The following AGBL4 variants were observed in gnomAD, a reference collection of about 807,000 sequenced individuals.
AGBL4 encodes cytosolic carboxypeptidase 6.
AGBL4 carries 58 observed loss-of-function variants against 66.4 expected under a neutral mutation model. That is an observed-to-expected ratio of 0.87 (90% CI 0.71 to 1.09). The LOEUF (loss-of-function observed/expected upper bound fraction) is 1.09, where lower values mean the gene tolerates loss of function less well. Among genes scored for constraint, AGBL4 ranks in the 50% least tolerant of loss-of-function variants. AGBL4 has a pLI of 0.00. For missense variants in AGBL4, 579 were observed against 631.0 expected (o/e 0.92, Z 0.88); for synonymous variants, 234 against 222.9 (o/e 1.05, Z -0.44).
chr1:49,419,113 T>C (rs1257669845), intron 3 of AGBL4, among the ~76,000 whole-genome samples: 5 of 152,280 alleles, frequency 3.3e-5, no homozygotes, highest in African/African-American at 1.2e-4. Flanking sequence ...AAGTAAATAT[T>C]CTTCTTTACA....
At chr1:48,812,197 C>T (rs1349252374) in intron 6 of AGBL4, among the ~76,000 whole-genome samples, 1 of 152,154 alleles carries the variant, frequency 6.6e-6, no homozygotes, top group East Asian at 1.9e-4. Flanking sequence ...AGGCATATTT[C>T]TCAAGGCTGA....
At chr1:48,653,551 T>G in intron 7 of AGBL4, 100 bp from the exon 8 acceptor site, 3 of 888,950 alleles carry the variant, frequency 3.4e-6, no homozygotes, top group Non-Finnish European at 5.3e-6. Flanking sequence ...AATAGGTGAT[T>G]TTGGCCTGTG....
intron 3 of AGBL4, among the ~76,000 whole-genome samples, chr1:49,573,777 C>A (rs1285640717): frequency 1.3e-5 from 2 of 152,092 alleles, no homozygotes; most frequent in Admixed American, 1.3e-4. Context: ...AAAGTGAGGG[C>A]ATTGATTGGA....
chr1:49,068,426 G>A (rs1048001540), intron 4 of AGBL4, among the ~76,000 whole-genome samples: 16 of 95,306 alleles, frequency 1.7e-4, no homozygotes, highest in South Asian at 3.9e-4. Flanking sequence ...TTCCCCTCCC[G>A]GTGTCCATGT....
chr1:49,909,171 G>C (rs12023972), intron 1 of AGBL4, among the ~76,000 whole-genome samples: 92,304 of 151,932 alleles, frequency 0.61, 28,712 homozygotes, highest in Non-Finnish European at 0.67. Context: ...TATGCCTTAT[G>C]GGTGTTATAA....
chr1:49,158,127 T>G (rs1404381088), intron 4 of AGBL4, among the ~76,000 whole-genome samples: 2 of 152,140 alleles, frequency 1.3e-5, no homozygotes, highest in African/African-American at 2.4e-5. Flanking sequence ...GCTAGCCATA[T>G]GCAGAAAGCT....
intron 3 of AGBL4, among the ~76,000 whole-genome samples, chr1:49,549,422 G>A (rs1407935240): frequency 6.6e-6 from 1 of 151,982 alleles, no homozygotes; most frequent in Admixed American, 6.6e-5. Context: ...GTTGAGGGCT[G>A]TGGACTTTTC....
intron 9 of AGBL4, among the ~76,000 whole-genome samples, chr1:48,622,082 G>A (rs1645423147): frequency 6.7e-6 from 1 of 148,580 alleles, no homozygotes; most frequent in Non-Finnish European, 1.5e-5. Context: ...ATCTCTGCCT[G>A]CCACCCAGCC....
At chr1:49,695,664 G>A (rs988621715) in intron 3 of AGBL4, among the ~76,000 whole-genome samples, 1 of 152,072 alleles carries the variant, frequency 6.6e-6, no homozygotes, top group Non-Finnish European at 1.5e-5. Flanking sequence ...GTCCTTAAGA[G>A]GCTCTCTGTG....
intron 3 of AGBL4, among the ~76,000 whole-genome samples, chr1:49,467,832 A>G (rs1011078336): frequency 2.6e-5 from 4 of 151,884 alleles, no homozygotes; most frequent in Admixed American, 6.6e-5. Flanking sequence ...AAATTAAAAA[A>G]TAGTTGAAAT....
intron 2 of AGBL4, among the ~76,000 whole-genome samples, chr1:49,837,860 A>T (rs1379104452): frequency 1.3e-5 from 2 of 152,138 alleles, no homozygotes; most frequent in Non-Finnish European, 2.9e-5. Flanking sequence ...AAACAAACAA[A>T]AAAACAGCTT....
intron 9 of AGBL4, 147 bp downstream of exon 9, chr1:48,634,346 G>T (rs1360152206): frequency 3.5e-6 from 2 of 569,762 alleles, no homozygotes; most frequent in African/African-American, 3.8e-5. Flanking sequence ...GGGTCTGCTG[G>T]ATTCAGAGAA....
At chr1:49,486,242 A>T (rs983042906) in intron 3 of AGBL4, among the ~76,000 whole-genome samples, 1 of 152,056 alleles carries the variant, frequency 6.6e-6, no homozygotes, top group African/African-American at 2.4e-5. Flanking sequence ...TTACGGAAAT[A>T]CAGAGAATCT....
chr1:49,806,348 T>C (rs964422545), intron 2 of AGBL4, among the ~76,000 whole-genome samples: 1 of 152,236 alleles, frequency 6.6e-6, no homozygotes, highest in Non-Finnish European at 1.5e-5. Flanking sequence ...TGTGTCTGTG[T>C]CCTAGTATTT....
intron 3 of AGBL4, among the ~76,000 whole-genome samples, chr1:49,302,610 T>A (rs4027808): frequency 2.9e-4 from 18 of 61,398 alleles, no homozygotes; most frequent in African/African-American, 1.2e-3. Flanking sequence ...ATTTTATTTT[T>A]TTATTTTATT....
intron 3 of AGBL4, among the ~76,000 whole-genome samples, chr1:49,285,426 C>G (rs1185604279): frequency 1.3e-5 from 2 of 151,736 alleles, no homozygotes; most frequent in Non-Finnish European, 2.9e-5. Context: ...CAGGAAAGAT[C>G]CAAAATTGAC....
chr1:48,523,197 A>G, the AGBL4 span, among the ~76,000 whole-genome samples: 2 of 152,174 alleles, frequency 1.3e-5, no homozygotes, highest in Admixed American at 6.5e-5. Flanking sequence ...TATTGCGATT[A>G]GATTCCAGGT....
rs1570809705 is a variant in AGBL4 at position 49,476,169 on chromosome 1, T to C, written c.282+221144A>G. On this transcript the variant is annotated intron_variant, in intron 3 of 13. Coordinates refer to ENST00000371839, the MANE Select transcript of AGBL4 (RefSeq NM_032785.4). ...TTTTTTATTTCTGCCTAAATCTTGA[T>C]GTTTACCCAAAAGTCACTCAGGAGA... Among the ~76,000 whole-genome samples, 3 of 152,118 alleles carry C rather than the reference T, an allele frequency of 2.0e-5. No individual in the cohort carries two copies. The East Asian group carries it at 5.8e-4, about 29-fold the overall frequency.
chr1:49,303,712 G>A (rs528439882), intron 3 of AGBL4, among the ~76,000 whole-genome samples: 1 of 151,980 alleles, frequency 6.6e-6, no homozygotes, highest in Non-Finnish European at 1.5e-5. Context: ...CTGGCCTCAA[G>A]TGATCCACCC....
Sources: gnomAD v4.1 joint callset for allele counts (sites outside exome capture counted in the v4.1 genomes callset) on GRCh38, gnomAD v4.1.1 for gene constraint, MANE v1.5 for transcripts, NCBI Gene and HGNC (gene_info 2026-07-23, HGNC 2026-07-21) for gene names.